Variants in BAZ1A observed in about 807,000 individuals in gnomAD.
BAZ1A encodes bromodomain adjacent to zinc finger domain 1A.
A neutral mutation model predicts 185.2 loss-of-function variants in BAZ1A; 50 were observed. The ratio of observed to expected loss-of-function variants is 0.27; its 90% confidence interval spans 0.22 to 0.34. BAZ1A has a LOEUF of 0.34. BAZ1A is among the 10% of genes least tolerant of loss of function. The pLI, the probability that BAZ1A is intolerant of heterozygous loss-of-function variation, is 1.00. For missense variants in BAZ1A, 1,356 were observed against 1,839.9 expected, an observed-to-expected ratio of 0.74 and a Z score of 4.81; for synonymous variants, 571 against 615.6, an observed-to-expected ratio of 0.93 and a Z score of 1.07.
In BAZ1A at chr14:34,874,654, C is replaced by T. The variant is rs1001735216; in HGVS notation, c.-50G>A. 2.0e-6 allele frequency: 3 copies of T among 1,485,948 alleles called. No individual in the cohort carries two copies. The highest frequency in any genetic ancestry group is 1.8e-6 in the Non-Finnish European group (2 of 1,086,600). 92.0% of individuals were successfully genotyped at this position (1,485,948 alleles called of 1,614,324 possible). On this transcript the variant is annotated 5_prime_UTR_variant, in exon 2 of 27. Transcript: ENST00000360310. This position sits in a 1 kb window ranked among gnomAD's most constrained non-coding sequence, Gnocchi z 4.7. ...TGGACCCTCGGCCGCCCGCGCCGGC[C>T]CCGCTTCCCTATCAAAATTGGAGGG...
chr14:34,840,153 C>T (rs1228178099), intron 3 of BAZ1A, among the ~76,000 whole-genome samples: 1 of 152,024 alleles, frequency 6.6e-6, no homozygotes, highest in East Asian at 1.9e-4. Flanking sequence ...TGAGGTAGGT[C>T]TACTTGTTAG....
At chr14:34,818,371 C>A (rs866275868) in intron 4 of BAZ1A, among the ~76,000 whole-genome samples, 1 of 152,184 alleles carries the variant, frequency 6.6e-6, no homozygotes, top group Non-Finnish European at 1.5e-5. Flanking sequence ...TACAAAATTT[C>A]TATTTCAAAG....
chr14:34,758,491 A>G lies in BAZ1A; in HGVS notation c.4386+213T>C. Reference sequence around the variant, plus strand: ...GTTACTCAGGAAGCTGAGGCAGGAGAATCGCTTGAACCTGGGAGGCAGAGC... The same window carrying G: ...GTTACTCAGGAAGCTGAGGCAGGAGGATCGCTTGAACCTGGGAGGCAGAGC... On this transcript the variant is annotated intron_variant, in intron 25 of 26. Transcript: ENST00000360310. 7.0e-6 allele frequency: 3 copies of G among 426,046 alleles called. 1 individual carries two copies. The South Asian group carries it at 8.7e-5, about 12-fold the overall frequency. 26.4% of individuals were successfully genotyped at this position (426,046 alleles called of 1,614,324 possible).
In BAZ1A at chr14:34,762,212, C is replaced by T. The variant is rs751791847; in HGVS notation, c.3788G>A (p.Arg1263Gln). ...QEEEEVSLPK[R>Q]GRPQVRLPVK... Reference sequence around the variant, plus strand: ...TGGCAATCTAACTTGTGGTCTTCCTCGTTTGGGTAGGCTATAAATATTGTT... The same window carrying T: ...TGGCAATCTAACTTGTGGTCTTCCTTGTTTGGGTAGGCTATAAATATTGTT... Residue 1263 changes from arginine to glutamine, a missense_variant, in exon 24 of 27, where the codon CGA becomes CAA. By Grantham distance (43) the Arg-to-Gln change is conservative. Transcript: ENST00000360310. The T allele has an allele frequency of 5.6e-6, 9 of 1,613,746 alleles. No homozygotes were observed. Among genetic ancestry groups the T allele is most frequent in the East Asian group, 2.2e-5 (1 of 44,890 alleles).
At chr14:34,820,643 T>G (rs971342903) in intron 4 of BAZ1A, among the ~76,000 whole-genome samples, 10 of 152,214 alleles carry the variant, frequency 6.6e-5, no homozygotes, top group African/African-American at 2.4e-4. Flanking sequence ...ATCTAAAAAA[T>G]TATCACCATA....
At chr14:34,870,706 T>A (rs1284886680) in intron 2 of BAZ1A, among the ~76,000 whole-genome samples, 1 of 152,212 alleles carries the variant, frequency 6.6e-6, no homozygotes, top group Non-Finnish European at 1.5e-5. Context: ...ATAAGCACTA[T>A]GTGATAAACA....
intron 2 of BAZ1A, among the ~76,000 whole-genome samples, chr14:34,871,327 GGATTATAGGCATGAGCCA>G (rs1280478475): frequency 2.0e-5 from 3 of 152,170 alleles, no homozygotes; most frequent in Non-Finnish European, 4.4e-5. Flanking sequence ...CAAAATGTTT[GGATTATAGGCATGAGCCA>G]CCGCATGCAG....
rs905970048 is a variant in BAZ1A, at chr14:34,874,880, C to G, written c.-58-218G>C. 1.7e-5 allele frequency: 5 copies of G among 290,360 alleles called. No individual in the cohort carries two copies. Among genetic ancestry groups the G allele is most frequent in the Non-Finnish European group, 3.2e-5 (5 of 155,880 alleles). 18.0% of individuals were successfully genotyped at this position (290,360 alleles called of 1,614,324 possible). On this transcript the variant is annotated intron_variant, in intron 1 of 26. Transcript: ENST00000360310. The surrounding 1 kb of genome is among the most constrained non-coding windows in gnomAD (Gnocchi z 4.7). ...CGAGCGCGCCCTACCTCCTCTCGTCCTGCCGCCGCCTCACAATGGGGCAGG... is the reference window on the plus strand; with the variant it reads ...CGAGCGCGCCCTACCTCCTCTCGTCGTGCCGCCGCCTCACAATGGGGCAGG...
chr14:34,786,593 T>C (rs1246972328), intron 12 of BAZ1A: 1 of 153,216 alleles, frequency 6.5e-6, no homozygotes, highest in Non-Finnish European at 1.4e-5. Context: ...GATACTCCAA[T>C]CTTTTATGTG....
At chr14:34,781,164 G>A (rs535958132) in intron 16 of BAZ1A, among the ~76,000 whole-genome samples, 4 of 152,202 alleles carry the variant, frequency 2.6e-5, no homozygotes, top group Admixed American at 2.0e-4. Flanking sequence ...CTAATGTAAG[G>A]ACAGCCAAGG....
At chr14:34,846,239 C>G (rs2042509976) in intron 3 of BAZ1A, among the ~76,000 whole-genome samples, 1 of 152,172 alleles carries the variant, frequency 6.6e-6, no homozygotes, top group East Asian at 1.9e-4. Context: ...AGTTTACTTG[C>G]CACTCCCCAT....
At chr14:34,817,907 C>T (rs2042031091) in intron 4 of BAZ1A, among the ~76,000 whole-genome samples, 1 of 152,140 alleles carries the variant, frequency 6.6e-6, no homozygotes, top group Non-Finnish European at 1.5e-5. Flanking sequence ...TAAAGTGGCA[C>T]AGCTACTGGG....
At position 34,874,812 on chromosome 14, in the gene BAZ1A, G is replaced by A. The variant is rs2043017065; in HGVS notation, c.-58-150C>T. 3 of 485,046 alleles carry A rather than the reference G, an allele frequency of 6.2e-6. No individual in the cohort carries two copies. Among genetic ancestry groups the A allele is most frequent in the Non-Finnish European group, 1.1e-5 (3 of 277,144 alleles). The allele number at this position is 485,046 out of a possible 1,614,324, so 30.0% of individuals were successfully genotyped here. On this transcript the variant is annotated intron_variant, in intron 1 of 26. Coordinates refer to ENST00000360310, the MANE Select transcript of BAZ1A (RefSeq NM_013448.3). This position sits in a 1 kb window ranked among gnomAD's most constrained non-coding sequence, Gnocchi z 4.7. ...CGGAGCCGAGTTCGTTCCTGCCGCT[G>A]CCCGGGTGTCGAGCGAGCGGAGCCG...
intron 2 of BAZ1A, among the ~76,000 whole-genome samples, chr14:34,872,941 A>AAAAAAACAAAAACAAAAAAAAAAACAAC: frequency 8.2e-6 from 1 of 122,678 alleles, no homozygotes; most frequent in Non-Finnish European, 1.7e-5. Context: ...AAAAAAAAAA[A>AAAAAAACAAAAACAAAAAAAAAAACAAC]CTTGTCCAAT....
chr14:34,807,712 A>T (rs763779874), intron 5 of BAZ1A, among the ~76,000 whole-genome samples, 174 bp from the exon 6 acceptor site: 1 of 152,172 alleles, frequency 6.6e-6, no homozygotes, highest in Non-Finnish European at 1.5e-5. Flanking sequence ...TTACAGAGGT[A>T]TTTATTAGGA....
Position 34,800,393 on chromosome 14 carries a change from G to T in BAZ1A, c.962-3C>A. 1 of 1,537,788 alleles carries T rather than the reference G, an allele frequency of 6.5e-7. No individual in the cohort carries two copies. Among genetic ancestry groups the T allele is most frequent in the Non-Finnish European group, 8.7e-7 (1 of 1,151,080 alleles). ...TTTTAATTTAGCCTTTTCAAAAGCT[G>T]TGAAGAAAAATCAAACTTAGAACTA... On this transcript the variant is annotated splice_region_variant and splice_polypyrimidine_tract_variant and intron_variant, in intron 8 of 26. Transcript: ENST00000360310.
intron 11 of BAZ1A, among the ~76,000 whole-genome samples, 158 bp downstream of exon 11, chr14:34,794,591 C>T (rs1014097702): frequency 1.2e-4 from 19 of 152,186 alleles, no homozygotes; most frequent in Admixed American, 8.5e-4. Context: ...GACCGAGGCA[C>T]CAGACCTGTG....
chr14:34,811,550 T>G (rs2041930548), intron 4 of BAZ1A, among the ~76,000 whole-genome samples: 1 of 152,090 alleles, frequency 6.6e-6, no homozygotes, highest in South Asian at 2.1e-4. Context: ...AGCCTCAAAC[T>G]CCTGGCCCCC....
intron 10 of BAZ1A, among the ~76,000 whole-genome samples, chr14:34,795,466 A>G (rs1230188222): frequency 1.3e-5 from 2 of 152,250 alleles, no homozygotes; most frequent in African/African-American, 2.4e-5. Context: ...TTTCTACAGA[A>G]TAAGAATCAT....
Sources: gnomAD v4.1 joint callset for allele counts (sites outside exome capture counted in the v4.1 genomes callset) on GRCh38, gnomAD v4.1.1 for gene constraint, Gnocchi (gnomAD v3.1) non-coding constraint, MANE v1.5 for transcripts, NCBI Gene and HGNC (gene_info 2026-07-23, HGNC 2026-07-21) for gene names.